Variants in LIN28B observed in about 807,000 individuals in gnomAD.
LIN28B encodes lin-28 RNA binding posttranscriptional regulator B.
Under a neutral mutation model 21.9 loss-of-function variants are expected in LIN28B, and 5 were observed. The ratio of observed to expected loss-of-function variants is 0.23; its 90% CI spans 0.12 to 0.48. The LOEUF is 0.48. LIN28B is among the 20% of genes least tolerant of loss of function. The pLI is 0.98. For missense variants in LIN28B, 245 were observed against 310.5 expected (o/e 0.79, Z 1.58); for synonymous variants, 109 against 111.3 (o/e 0.98, Z 0.13).
chr6:104,960,666 AAAAC>A (rs1208903822), intron 2 of LIN28B, among the ~76,000 whole-genome samples: 2 of 152,232 alleles, frequency 1.3e-5, no homozygotes, highest in South Asian at 2.1e-4. Flanking sequence ...GGAGAAATAA[AAAAC>A]AAATTATTTG....
At chr6:105,057,992 G>T in intron 3 of LIN28B, 1 of 329,148 alleles carries the variant, frequency 3.0e-6, no homozygotes, top group South Asian at 2.5e-5. Flanking sequence ...GCAGCTCATG[G>T]TCCCTTATTT....
intron 3 of LIN28B, among the ~76,000 whole-genome samples, chr6:105,032,731 A>T (rs1475802600): frequency 2.0e-5 from 3 of 151,906 alleles, no homozygotes; most frequent in Non-Finnish European, 4.4e-5. Flanking sequence ...AAAAAAAAAA[A>T]ATTTTTTTTA....
chr6:105,030,592 C>CTTTCT (rs1771400608), intron 3 of LIN28B, among the ~76,000 whole-genome samples: 1 of 106,578 alleles, frequency 9.4e-6, no homozygotes, highest in African/African-American at 3.6e-5. Context: ...TTCTTTCTTT[C>CTTTCT]TTTTTTTTTT....
At chr6:104,988,436 A>AT (rs375793832) in intron 2 of LIN28B, among the ~76,000 whole-genome samples, 2,226 of 126,496 alleles carry the variant, frequency 0.018, 32 homozygotes, top group African/African-American at 0.049. Flanking sequence ...AAAGATTTGT[A>AT]TTTTTTTTTT....
chr6:104,947,006 A>G (rs1315219555), intron 2 of LIN28B, among the ~76,000 whole-genome samples: 1 of 152,224 alleles, frequency 6.6e-6, no homozygotes, highest in Admixed American at 6.5e-5. Flanking sequence ...TGCATTTGTT[A>G]GTATTAGAAG....
chr6:105,037,713 G>C (rs985418805), intron 3 of LIN28B, among the ~76,000 whole-genome samples: 1 of 151,514 alleles, frequency 6.6e-6, no homozygotes, highest in African/African-American at 2.4e-5. Context: ...GTTTTGCCAC[G>C]TTGCCCAGGC....
At chr6:105,053,377 C>A (rs1443253547) in intron 3 of LIN28B, among the ~76,000 whole-genome samples, 3 of 129,930 alleles carry the variant, frequency 2.3e-5, no homozygotes, top group African/African-American at 8.9e-5. Flanking sequence ...AAATCTATGT[C>A]TTATGGTGTG....
chr6:105,044,623 C>T (rs1391250298), intron 3 of LIN28B, among the ~76,000 whole-genome samples: 1 of 152,086 alleles, frequency 6.6e-6, no homozygotes. Flanking sequence ...CGATAAACTA[C>T]TTCATATGGC....
chr6:104,968,731 A>C (rs1037025450), intron 2 of LIN28B, among the ~76,000 whole-genome samples: 8 of 152,210 alleles, frequency 5.3e-5, no homozygotes, highest in African/African-American at 1.9e-4. Context: ...CTAGGCCATT[A>C]GAGATAGTGA....
Position 105,014,413 on chromosome 6 carries a change from G to A in LIN28B, c.199-11885G>A, listed in dbSNP as rs143038801. Among the ~76,000 whole-genome samples, 427 of 152,268 alleles carry A rather than the reference G, an allele frequency of 2.8e-3. 2 individuals are homozygous for A. The highest frequency in any genetic ancestry group is 9.7e-3 in the African/African-American group (401 of 41,552). On this transcript the variant is annotated intron_variant, in intron 2 of 3. Coordinates refer to ENST00000345080, the MANE Select transcript of LIN28B (RefSeq NM_001004317.4). ...TGGCTCACTGTAACCTCCGTTTCCC[G>A]GGTTCAAGCAATTCTTCTGCCTCAG... is the stretch of plus-strand genomic sequence containing the variant.
chr6:105,072,921 T>C (rs1772360091), intron 3 of LIN28B, among the ~76,000 whole-genome samples: 1 of 152,178 alleles, frequency 6.6e-6, no homozygotes, highest in South Asian at 2.1e-4. Flanking sequence ...GAGTAAACAA[T>C]ACCCAAATGT....
intron 2 of LIN28B, among the ~76,000 whole-genome samples, chr6:104,976,898 C>G (rs1235745520): frequency 6.6e-6 from 1 of 152,306 alleles, no homozygotes; most frequent in East Asian, 1.9e-4. Flanking sequence ...TTACCCTGAA[C>G]ATTGCTATTG....
chr6:105,003,556 A>G (rs889861445), intron 2 of LIN28B, among the ~76,000 whole-genome samples: 10 of 151,908 alleles, frequency 6.6e-5, no homozygotes, highest in Middle Eastern at 3.4e-3. Context: ...TCTATCAACC[A>G]GGCTGGAGTG....
intron 2 of LIN28B, among the ~76,000 whole-genome samples, chr6:104,963,982 ATT>A (rs1175739703): frequency 3.9e-5 from 6 of 152,292 alleles, no homozygotes; most frequent in African/African-American, 1.4e-4. Context: ...TTAAAAGCTT[ATT>A]TGTTATCTGC....
rs776704923 is a variant in LIN28B, at chr6:105,078,823, A to G, written c.*40A>G. ...ATGTTCTTTCCTTTACCCGGTTGCAAAGTCTACCTCATGCAAGTATAGGGG... is the reference window on the plus strand; with the variant it reads ...ATGTTCTTTCCTTTACCCGGTTGCAGAGTCTACCTCATGCAAGTATAGGGG... On this transcript the variant is annotated 3_prime_UTR_variant, in exon 4 of 4. Transcript: ENST00000345080. The G allele has an allele frequency of 1.3e-6, 2 of 1,580,812 alleles. No individual in the cohort carries two copies. The highest frequency in any genetic ancestry group is 1.7e-6 in the Non-Finnish European group (2 of 1,161,628).
chr6:105,017,652 T>C (rs569424225), intron 2 of LIN28B, among the ~76,000 whole-genome samples: 5 of 152,112 alleles, frequency 3.3e-5, no homozygotes, highest in African/African-American at 1.2e-4. Context: ...GAAAACCAAA[T>C]ATTGCATGTT....
chr6:104,966,234 G>A (rs776852238), intron 2 of LIN28B, among the ~76,000 whole-genome samples: 1 of 152,182 alleles, frequency 6.6e-6, no homozygotes, highest in Non-Finnish European at 1.5e-5. Context: ...CTGCCAGTTG[G>A]TTGGTTTATA....
intron 3 of LIN28B, among the ~76,000 whole-genome samples, chr6:105,052,739 T>G (rs1377498455): frequency 6.6e-6 from 1 of 152,196 alleles, no homozygotes; most frequent in East Asian, 1.9e-4. Flanking sequence ...CAATATTCCC[T>G]TTTTTCATTG....
chr6:104,991,957 G>A (rs1344721715), intron 2 of LIN28B, among the ~76,000 whole-genome samples: 1 of 151,620 alleles, frequency 6.6e-6, no homozygotes, highest in Non-Finnish European at 1.5e-5. Context: ...GGAGATGGCA[G>A]CAGTACAGTC....
Sources: gnomAD v4.1 joint callset for allele counts (sites outside exome capture counted in the v4.1 genomes callset) on GRCh38, gnomAD v4.1.1 for gene constraint, MANE v1.5 for transcripts, NCBI Gene and HGNC (gene_info 2026-07-23, HGNC 2026-07-21) for gene names.